ZCCHC14: variants seen among roughly 807,000 people sequenced by gnomAD.
ZCCHC14 encodes the protein zinc finger CCHC-type containing 14.
In ZCCHC14, 16 loss-of-function variants were observed where a neutral mutation model predicts 85.0. The ratio of observed to expected loss-of-function variants is 0.19; its 90% confidence interval spans 0.13 to 0.29. The LOEUF is 0.29. Ranked by LOEUF, ZCCHC14 falls within the 10% of genes least tolerant of loss-of-function variation. The probability of loss-of-function intolerance (pLI) is 1.00; values close to 1 mark genes in which losing one functional copy is unlikely to be tolerated. For missense variants in ZCCHC14, 1,303 were observed against 1,443.5 expected (o/e 0.90, Z 1.58); for synonymous variants, 775 against 630.7 (o/e 1.23, Z -3.43).
chr16:87,414,917 C>CTTTA (rs1316142936), intron 9 of ZCCHC14, among the ~76,000 whole-genome samples: 3 of 152,126 alleles, frequency 2.0e-5, no homozygotes, highest in East Asian at 3.9e-4. Flanking sequence ...CCGGTCTCTT[C>CTTTA]TAAAAATACA....
In ZCCHC14 at chr16:87,412,099, G is replaced by A. The variant is rs373956323; in HGVS notation, c.2622C>T (p.Ser874=). 1.9e-5 allele frequency: 30 copies of A among 1,613,204 alleles called. No individual in the cohort carries two copies. The highest frequency in any genetic ancestry group is 8.0e-5 in the African/African-American group (6 of 74,954). ...PAPSSSPALS[S]VPESSFYSSS... The stretch of plus-strand genomic sequence containing the variant: ...TGCTATAGAAACTGCTTTCAGGGAC[G>A]GAGGACAGCGCCGGGCTGGAGCTGG... Residue 874 remains serine, a synonymous_variant, in exon 12 of 13, where the codon TCC becomes TCT. Coordinates refer to ENST00000671377, the MANE Select transcript of ZCCHC14 (RefSeq NM_015144.3).
At chr16:87,460,395 T>C (rs930085904) in intron 1 of ZCCHC14, among the ~76,000 whole-genome samples, 4 of 152,116 alleles carry the variant, frequency 2.6e-5, no homozygotes, top group African/African-American at 7.2e-5. Context: ...ACAGAAACTA[T>C]GGTAGCCAAA....
chr16:87,414,604 CT>C, intron 9 of ZCCHC14, 63 bp from the exon 10 acceptor site: 1 of 1,544,264 alleles, frequency 6.5e-7, no homozygotes, highest in Non-Finnish European at 8.7e-7. Flanking sequence ...TCACATGCGG[CT>C]TCAAGACGGG....
At chr16:87,447,481 C>T (rs1417378619) in intron 2 of ZCCHC14, among the ~76,000 whole-genome samples, 10 of 152,138 alleles carry the variant, frequency 6.6e-5, no homozygotes, top group Admixed American at 2.6e-4. Flanking sequence ...GGACCATACA[C>T]GGGCCCTGCT....
intron 1 of ZCCHC14, chr16:87,467,752 C>T: frequency 3.7e-6 from 2 of 542,344 alleles, no homozygotes; most frequent in East Asian, 3.4e-5. Flanking sequence ...CCCGGGTTCA[C>T]ACCATTCTCC....
intron 1 of ZCCHC14, among the ~76,000 whole-genome samples, chr16:87,487,799 G>A (rs8058599): frequency 3.0e-4 from 45 of 152,268 alleles, no homozygotes; most frequent in Admixed American, 1.4e-3. Context: ...AACGCCACTC[G>A]GCAGCGAAAG....
chr16:87,455,737 T>C (rs1910924591), intron 2 of ZCCHC14, among the ~76,000 whole-genome samples: 1 of 152,226 alleles, frequency 6.6e-6, no homozygotes, highest in East Asian at 1.9e-4. Context: ...TTTTCGACTT[T>C]ACAACAGTGC....
rs763643250 is a variant in ZCCHC14, at chr16:87,417,643, G to A, written c.1200C>T (p.Ser400=). Residue 400 remains serine (S), a synonymous_variant, in exon 8 of 13, where the codon TCC becomes TCT. Transcript: ENST00000671377. ...GGGCTGAGCCCGCGCTGCCCGCATG[G>A]GAGCAGTGAGGCAAGGGGGCGGCGG... ...AGSAAPLPHC[S]HAGSAGSALA... 7 of 1,613,838 alleles carry A rather than the reference G, an allele frequency of 4.3e-6. No homozygotes were observed. The highest frequency in any genetic ancestry group is 2.7e-5 in the African/African-American group (2 of 74,944).
intron 12 of ZCCHC14, chr16:87,411,306 G>T: frequency 7.1e-7 from 1 of 1,418,386 alleles, no homozygotes; most frequent in Non-Finnish European, 9.4e-7. Context: ...AGAACCAGAG[G>T]CTGTCTGAAA....
At chr16:87,487,972 G>T (rs542486580) in intron 1 of ZCCHC14, among the ~76,000 whole-genome samples, 3 of 152,024 alleles carry the variant, frequency 2.0e-5, no homozygotes, top group South Asian at 2.1e-4. Context: ...GGGTTGGGGG[G>T]AGGGGGAATG....
intron 2 of ZCCHC14, among the ~76,000 whole-genome samples, chr16:87,443,658 GC>G (rs1910292381): frequency 6.6e-6 from 1 of 152,122 alleles, no homozygotes; most frequent in African/African-American, 2.4e-5. Flanking sequence ...GATCCCTTGA[GC>G]CCAGGAGTTC....
At chr16:87,448,912 T>C (rs1910562717) in intron 2 of ZCCHC14, among the ~76,000 whole-genome samples, 1 of 152,188 alleles carries the variant, frequency 6.6e-6, no homozygotes, top group South Asian at 2.1e-4. Flanking sequence ...TTTCCTATCC[T>C]TGAATTTGGA....
At chr16:87,478,714 C>G (rs908407088) in intron 1 of ZCCHC14, among the ~76,000 whole-genome samples, 1 of 151,820 alleles carries the variant, frequency 6.6e-6, no homozygotes, top group Non-Finnish European at 1.5e-5. Context: ...TCAAACAATT[C>G]TCCTGCCTCA....
At chr16:87,424,610 G>A (rs961639014) in intron 3 of ZCCHC14, among the ~76,000 whole-genome samples, 1 of 152,150 alleles carries the variant, frequency 6.6e-6, no homozygotes, top group Non-Finnish European at 1.5e-5. Flanking sequence ...GGGAAGGGGC[G>A]GTGTCTTTTT....
intron 3 of ZCCHC14, among the ~76,000 whole-genome samples, chr16:87,426,955 CA>C (rs1198002943): frequency 9.9e-5 from 15 of 152,224 alleles, no homozygotes; most frequent in African/African-American, 3.4e-4. Flanking sequence ...CAACTAAAGG[CA>C]GGAAGACGAG....
At chr16:87,430,625 G>A (rs1194100700) in intron 3 of ZCCHC14, among the ~76,000 whole-genome samples, 3 of 151,560 alleles carry the variant, frequency 2.0e-5, no homozygotes, top group Non-Finnish European at 2.9e-5. Context: ...AGGTTCAAGC[G>A]ATTCCCCGGC....
In ZCCHC14 at chr16:87,482,165, T is replaced by C. The variant is rs114947508; in HGVS notation, c.570+9504A>G. ...GGGGAAACATGGGAACCATGGCAGG[T>C]TGGAAGACAGAAACCTGCCTTTGCC... On this transcript the variant is annotated intron_variant, in intron 1 of 12. Transcript: ENST00000671377. 1.5e-3 allele frequency among the ~76,000 whole-genome samples: 226 copies of C among 152,196 alleles called. 3 individuals are homozygous for C. Among genetic ancestry groups the C allele is most frequent in the African/African-American group, 5.0e-3 (208 of 41,542 alleles).
At chr16:87,447,324 C>T (rs77377882) in intron 2 of ZCCHC14, among the ~76,000 whole-genome samples, 20 of 151,768 alleles carry the variant, frequency 1.3e-4, no homozygotes, top group Admixed American at 1.2e-3. Context: ...TAATTTGAGG[C>T]GAAATTTACA....
rs1487972132 is a variant in ZCCHC14, at chr16:87,491,126, G to A, written c.570+543C>T. ...CCAAGGGCCCCATTAAGGGGACAAA[G>A]GCCTTATCGCGTTTGCAGCCGGCTA... On this transcript the variant is annotated intron_variant, in intron 1 of 12. Coordinates refer to ENST00000671377, the MANE Select transcript of ZCCHC14 (RefSeq NM_015144.3). This position sits in a 1 kb window ranked among gnomAD's most constrained non-coding sequence, Gnocchi z 5.9. Among the ~76,000 whole-genome samples, 1 of 152,246 alleles carries A rather than the reference G, an allele frequency of 6.6e-6. No homozygotes were observed. Among genetic ancestry groups the A allele is most frequent in the Non-Finnish European group, 1.5e-5 (1 of 68,050 alleles).
Sources: allele counts gnomAD v4.1 joint callset (sites outside exome capture counted in the v4.1 genomes callset), GRCh38; gene constraint gnomAD v4.1.1; non-coding constraint Gnocchi (gnomAD v3.1); transcripts MANE v1.5; gene names NCBI Gene and HGNC (gene_info 2026-07-23, HGNC 2026-07-21).